The following TENM2 variants were observed in gnomAD, a reference collection of about 807,000 sequenced individuals.
TENM2 encodes teneurin transmembrane protein 2.
In TENM2, 52 loss-of-function variants were observed where a neutral mutation model predicts 245.2. The observed-to-expected ratio is 0.21, with a 90% CI of 0.17 to 0.27. The LOEUF is 0.27. TENM2 is among the 10% of genes least tolerant of loss of function. The probability of loss-of-function intolerance (pLI) is 1.00; values close to 1 mark genes in which losing one functional copy is unlikely to be tolerated. For synonymous variants in TENM2, 1,363 were observed against 1,438.9 expected, an observed-to-expected ratio of 0.95 and a Z score of 1.19; for missense variants, 3,046 against 3,666.8, an observed-to-expected ratio of 0.83 and a Z score of 4.37.
the TENM2 span, among the ~76,000 whole-genome samples, chr5:167,087,793 CTTTT>C: frequency 7.0e-6 from 1 of 143,804 alleles, no homozygotes; most frequent in South Asian, 2.2e-4. Flanking sequence ...CAATATCTCT[CTTTT>C]TTTTTTTTTT....
At chr5:167,801,998 G>C (rs574021714) in intron 2 of TENM2, among the ~76,000 whole-genome samples, 1 of 152,126 alleles carries the variant, frequency 6.6e-6, no homozygotes, top group Non-Finnish European at 1.5e-5. Context: ...AGATTAGCGT[G>C]CTGGCAGGTT....
chr5:167,882,099 G>C (rs1312666788), intron 3 of TENM2, among the ~76,000 whole-genome samples: 1 of 152,150 alleles, frequency 6.6e-6, no homozygotes, highest in African/African-American at 2.4e-5. Flanking sequence ...TCTGTTAACT[G>C]TTAACCTCAG....
At chr5:168,259,786 A>G (rs186531939) in intron 27 of TENM2, among the ~76,000 whole-genome samples, 311 of 152,296 alleles carry the variant, frequency 2.0e-3, no homozygotes, top group Middle Eastern at 6.8e-3. Context: ...GCCTCTAAAC[A>G]CACTGCGTGG....
At chr5:167,663,178 G>GAGAGAGAA (rs1554097404) in intron 2 of TENM2, among the ~76,000 whole-genome samples, 23 of 139,190 alleles carry the variant, frequency 1.7e-4, no homozygotes, top group African/African-American at 7.0e-4. Context: ...GAGAGAGAGA[G>GAGAGAGAA]AGAGAGAGAA....
chr5:167,103,365 G>A, the TENM2 span, among the ~76,000 whole-genome samples: 10 of 152,206 alleles, frequency 6.6e-5, no homozygotes, highest in Non-Finnish European at 2.9e-5. Flanking sequence ...GTATGTAAGT[G>A]AAAGTCTGAA....
rs70976410 is a variant in TENM2 at position 167,322,213 on chromosome 5, GTTT to G, written c.226+37161_226+37163del. Among the ~76,000 whole-genome samples, 953 of 146,146 alleles carry G rather than the reference GTTT, an allele frequency of 6.5e-3. 10 individuals are homozygous for G. Among genetic ancestry groups the G allele is most frequent in the African/African-American group, 0.022 (863 of 39,940 alleles). ...TGTATTTAAGTGCTCAAAAATATTT[GTTT>G]TTTTTTTTTTGTTGCTGTTGTTTTT... On this transcript the variant is annotated intron_variant, in intron 1 of 28. Transcript: ENST00000518659.
At position 167,605,398 on chromosome 5, in the gene TENM2, G is replaced by A. The variant is rs187984247; in HGVS notation, c.502+229925G>A. Among the ~76,000 whole-genome samples, 16 of 152,236 alleles carry A rather than the reference G, an allele frequency of 1.1e-4. No individual in the cohort carries two copies. The East Asian group carries it at 1.7e-3, about 17-fold the overall frequency. Reference sequence around the variant, plus strand: ...GGAATAAACATTCGATGTTGAGCACGCTATGACCTTCAGACACATCAGATG... The same window carrying A: ...GGAATAAACATTCGATGTTGAGCACACTATGACCTTCAGACACATCAGATG... On this transcript the variant is annotated intron_variant, in intron 2 of 28. Coordinates refer to ENST00000518659, the Ensembl canonical transcript of TENM2.
chr5:167,341,572 G>A (rs547259888), intron 1 of TENM2, among the ~76,000 whole-genome samples: 2 of 151,618 alleles, frequency 1.3e-5, no homozygotes, highest in African/African-American at 4.8e-5. Flanking sequence ...ACAGAGGTAG[G>A]GCATGACCAT....
At chr5:168,227,817 AT>A (rs1764360855) in intron 24 of TENM2, 77 bp from the exon 27 acceptor site, 3 of 959,024 alleles carry the variant, frequency 3.1e-6, no homozygotes, top group South Asian at 3.7e-5. Context: ...TTAAAAAAAA[AT>A]AGGGGTTCTA....
chr5:167,726,642 A>G (rs1294905259), intron 2 of TENM2, among the ~76,000 whole-genome samples: 1 of 151,968 alleles, frequency 6.6e-6, no homozygotes, highest in Non-Finnish European at 1.5e-5. Context: ...TATTTTTTGT[A>G]GTGATGGGGT....
chr5:167,952,635 C>A (rs1780204958), exon 4 of TENM2: 3 of 1,613,188 alleles, frequency 1.9e-6, no homozygotes, highest in African/African-American at 1.3e-5. Flanking sequence ...CCCTCTCCCA[C>A]CCCCTCACAA....
At chr5:167,942,143 G>A (rs1259200705) in intron 3 of TENM2, among the ~76,000 whole-genome samples, 2 of 152,160 alleles carry the variant, frequency 1.3e-5, no homozygotes, top group African/African-American at 2.4e-5. Flanking sequence ...GGGAGGCAGA[G>A]GTTGCAGTAA....
the TENM2 span, among the ~76,000 whole-genome samples, chr5:166,988,092 A>C: frequency 6.6e-6 from 1 of 152,216 alleles, no homozygotes; most frequent in South Asian, 2.1e-4. Context: ...GCTTGGCGGC[A>C]CTGACCCTTT....
At chr5:167,202,881 C>A in the TENM2 span, among the ~76,000 whole-genome samples, 3,407 of 152,048 alleles carry the variant, frequency 0.022, 127 homozygotes, top group African/African-American at 0.077. Flanking sequence ...TAGCAAATGA[C>A]CTACACATGA....
intron 3 of TENM2, among the ~76,000 whole-genome samples, chr5:167,905,351 T>C (rs1030540598): frequency 6.6e-6 from 1 of 152,172 alleles, no homozygotes; most frequent in Non-Finnish European, 1.5e-5. Context: ...TGAATCTTCA[T>C]TGGGATGGGA....
At chr5:167,130,303 A>G in the TENM2 span, among the ~76,000 whole-genome samples, 2 of 152,156 alleles carry the variant, frequency 1.3e-5, no homozygotes, top group African/African-American at 2.4e-5. Flanking sequence ...TAATGGAGGG[A>G]TTTCCTGAGA....
the TENM2 span, among the ~76,000 whole-genome samples, chr5:167,169,223 T>C: frequency 2.6e-5 from 4 of 152,204 alleles, no homozygotes; most frequent in East Asian, 7.8e-4. Context: ...GGGGCTCTGT[T>C]CTCTCACTGG....
At chr5:168,228,499 A>ACTGT (rs1312205597) in intron 25 of TENM2, among the ~76,000 whole-genome samples, 19 of 140,400 alleles carry the variant, frequency 1.4e-4, no homozygotes, top group Admixed American at 4.1e-4. Flanking sequence ...CTCAGTTTTC[A>ACTGT]CTGTCTGGCC....
At chr5:167,235,408 C>T in the TENM2 span, among the ~76,000 whole-genome samples, 4 of 152,058 alleles carry the variant, frequency 2.6e-5, no homozygotes, top group Admixed American at 6.6e-5. Context: ...TTCTCACATG[C>T]GCAGCTCAAC....
Sources: gnomAD v4.1 joint callset for allele counts (sites outside exome capture counted in the v4.1 genomes callset) on GRCh38, gnomAD v4.1.1 for gene constraint, MANE v1.5 for transcripts, NCBI Gene and HGNC (gene_info 2026-07-23, HGNC 2026-07-21) for gene names.